B4GALNT2: variants seen among roughly 807,000 people sequenced by gnomAD.
The protein encoded by B4GALNT2 is beta-1,4-N-acetyl-galactosaminyltransferase 2 (SID blood group), also known as N-acetylneuraminylgalactosylglucosyl-glucoside beta-1,4-N- acetylgalactosaminyltransferase 2.
Under a neutral mutation model 51.1 loss-of-function variants are expected in B4GALNT2, and 42 were observed. The ratio of observed to expected loss-of-function variants is 0.82; its 90% confidence interval spans 0.64 to 1.06. The LOEUF (loss-of-function observed/expected upper bound fraction) is 1.06, where lower values mean the gene tolerates loss of function less well. Among genes scored for constraint, B4GALNT2 ranks in the 50% least tolerant of loss-of-function variants. The pLI is 0.00. For missense variants in B4GALNT2, 602 were observed against 633.6 expected (o/e 0.95, Z 0.54); for synonymous variants, 253 against 251.7 (o/e 1.01, Z -0.05).
intron 5 of B4GALNT2, among the ~76,000 whole-genome samples, chr17:49,158,549 A>G (rs2042831402): frequency 6.6e-6 from 1 of 150,608 alleles, no homozygotes; most frequent in Admixed American, 6.7e-5. Flanking sequence ...GAGGCAGGAT[A>G]ATTGCTTTAA....
At position 49,166,079 on chromosome 17, in the gene B4GALNT2, G is replaced by A. The variant is rs761006744; in HGVS notation, c.955-35G>A. 1.9e-6 allele frequency: 3 copies of A among 1,603,364 alleles called. No individual in the cohort carries two copies. In the Admixed American group the frequency reaches 5.1e-5, roughly 27 times the overall value. On this transcript the variant is annotated intron_variant, in intron 8 of 10. Coordinates refer to ENST00000393354, the MANE Select transcript of B4GALNT2 (RefSeq NM_001159387.2). ...CCCAGGTGATTCTAATATGTAATAT[G>A]GGCAACCACTCCTTTAACCTCATTT...
chr17:49,127,198 G>A, the B4GALNT2 span, among the ~76,000 whole-genome samples: 2 of 152,036 alleles, frequency 1.3e-5, no homozygotes, highest in Non-Finnish European at 2.9e-5. Context: ...TTAATTTCAA[G>A]ATTAGAAGTT....
chr17:49,137,233 A>C (rs1190726173), intron 1 of B4GALNT2, among the ~76,000 whole-genome samples: 2 of 152,308 alleles, frequency 1.3e-5, no homozygotes, highest in Middle Eastern at 3.4e-3. Flanking sequence ...TGCCCCTCAG[A>C]GTTCATGTGT....
intron 6 of B4GALNT2, 95 bp downstream of exon 6, chr17:49,159,312 T>A: frequency 7.5e-7 from 1 of 1,340,474 alleles, no homozygotes. Context: ...GCCTTCCTGT[T>A]TTTTGTGTTT....
chr17:49,162,675 G>A (rs528933502), intron 7 of B4GALNT2, among the ~76,000 whole-genome samples: 97 of 152,058 alleles, frequency 6.4e-4, no homozygotes, highest in African/African-American at 2.2e-3. Flanking sequence ...TTGGGAGGCC[G>A]AGGTGAGCAG....
Position 49,171,401 on chromosome 17 carries a change from C to T in B4GALNT2, c.*1673C>T. On this transcript the variant is annotated 3_prime_UTR_variant, in exon 11 of 11. Coordinates refer to ENST00000393354, the MANE Select transcript of B4GALNT2 (RefSeq NM_001159387.2). ...TTCCTGGCATTAAGGTCAAGTGTGC[C>T]TGGGATGCTTTAAATATTTGTTCTT... The T allele has an allele frequency of 2.3e-6, 1 of 434,796 alleles. No individual in the cohort carries two copies. The highest frequency in any genetic ancestry group is 1.7e-5 in the South Asian group (1 of 60,270). 26.9% of individuals were successfully genotyped at this position (434,796 alleles called of 1,614,324 possible). A position where few individuals can be genotyped will look rare whatever the true frequency, so the allele number is the denominator to read the frequency against.
At chr17:49,158,143 T>A (rs2144322282) in intron 5 of B4GALNT2, among the ~76,000 whole-genome samples, 1 of 152,188 alleles carries the variant, frequency 6.6e-6, no homozygotes, top group South Asian at 2.1e-4. Context: ...GGACTTCCCT[T>A]GGGGCCTGGA....
At chr17:49,151,090 T>TGGATGGTGC (rs2144306702) in intron 3 of B4GALNT2, among the ~76,000 whole-genome samples, 1 of 476 alleles carries the variant, frequency 2.1e-3, no homozygotes, top group East Asian at 0.056. Flanking sequence ...AAAGCTAATC[T>TGGATGGTGC]TAGGCCGGGC....
At chr17:49,161,137 T>A (rs1221493201) in intron 7 of B4GALNT2, among the ~76,000 whole-genome samples, 1 of 152,036 alleles carries the variant, frequency 6.6e-6, no homozygotes, top group Non-Finnish European at 1.5e-5. Flanking sequence ...TAGCTGGGCG[T>A]GGTGGCAGGC....
Position 49,164,174 on chromosome 17 carries a change from G to A in B4GALNT2, c.853G>A (p.Glu285Lys), listed in dbSNP as rs530225763. The change falls in exon 8 of 11, where the codon GAG (glutamate) becomes AAG (lysine). Residue 285 changes from glutamate (E) to lysine (K), a missense_variant. Glu to Lys is a moderately conservative substitution (Grantham distance 56, BLOSUM62 1). Transcript: ENST00000393354. ...KLMIMLRSIR[E>K]YYPDLTVIVA... ...CATGATCATGCTCCGGAGTATTCGA[G>A]AGTATTACCCAGACTTGACCGTAAT... 4 of 1,613,926 alleles carry A rather than the reference G, an allele frequency of 2.5e-6. No individual in the cohort carries two copies. The highest frequency in any genetic ancestry group is 2.7e-5 in the African/African-American group (2 of 75,042).
At chr17:49,159,248 T>C in intron 6 of B4GALNT2, 31 bp downstream of exon 6, 4 of 1,605,828 alleles carry the variant, frequency 2.5e-6, no homozygotes, top group South Asian at 1.1e-5. Context: ...TGCAAAATGC[T>C]TAGGGATCCA....
At chr17:49,125,716 C>T in the B4GALNT2 span, among the ~76,000 whole-genome samples, 3,074 of 137,320 alleles carry the variant, frequency 0.022, 109 homozygotes, top group East Asian at 0.098. Context: ...GGTCGGCCCC[C>T]GCCGGGCCGG....
intron 6 of B4GALNT2, 33 bp from the exon 7 acceptor site, chr17:49,160,522 C>T: frequency 6.3e-7 from 1 of 1,591,322 alleles, no homozygotes; most frequent in Non-Finnish European, 8.6e-7. Context: ...AGACATGATA[C>T]TCCCTGTGCC....
intron 3 of B4GALNT2, among the ~76,000 whole-genome samples, chr17:49,150,051 T>C (rs2144302887): frequency 6.7e-6 from 1 of 149,498 alleles, no homozygotes; most frequent in Non-Finnish European, 1.5e-5. Context: ...TTCTTTACCA[T>C]TTAAAAATTT....
rs1375064720 is a variant in B4GALNT2, at chr17:49,174,557, A to G, written c.*4829A>G. On this transcript the variant is annotated 3_prime_UTR_variant, in exon 11 of 11. Coordinates refer to ENST00000393354, the MANE Select transcript of B4GALNT2 (RefSeq NM_001159387.2). The stretch of plus-strand genomic sequence containing the variant: ...CCCCATAGGTTGTATAACTGAATTA[A>G]TGGCTCTTAAGTCAGTTAACAGTCT... 6.6e-6 allele frequency: 1 copy of G among 152,204 alleles called. No homozygotes were observed. The allele number at this position is 152,204 out of a possible 1,614,324, so 9.4% of individuals were successfully genotyped here.
At chr17:49,161,258 G>C (rs1295210757) in intron 7 of B4GALNT2, among the ~76,000 whole-genome samples, 1 of 134,422 alleles carries the variant, frequency 7.4e-6, no homozygotes, top group Non-Finnish European at 1.6e-5. Context: ...CTGGGCAACA[G>C]AGCAAGACTC....
Position 49,174,885 on chromosome 17 carries a change from G to A in B4GALNT2, c.*5157G>A, listed in dbSNP as rs910508287. On this transcript the variant is annotated 3_prime_UTR_variant, in exon 11 of 11. Transcript: ENST00000393354. The stretch of plus-strand genomic sequence containing the variant: ...CAAATTTTTTCCTAGTCCCATACCA[G>A]GGACATACCCCATTTCATGCACCAT... The A allele has an allele frequency of 6.6e-6, 1 of 152,094 alleles. No homozygotes were observed. Among genetic ancestry groups the A allele is most frequent in the African/African-American group, 2.4e-5 (1 of 41,400 alleles). 9.4% of individuals were successfully genotyped at this position (152,094 alleles called of 1,614,324 possible).
intron 3 of B4GALNT2, among the ~76,000 whole-genome samples, chr17:49,150,920 T>A (rs149267004): frequency 0.016 from 2,408 of 151,834 alleles, 81 homozygotes; most frequent in African/African-American, 0.055. Flanking sequence ...AATGATCAAT[T>A]AAAAAAATAA....
chr17:49,154,863 G>C (rs992886867), intron 4 of B4GALNT2, among the ~76,000 whole-genome samples: 6 of 151,486 alleles, frequency 4.0e-5, no homozygotes, highest in Non-Finnish European at 8.8e-5. Context: ...CACATAGAGA[G>C]GATGTACTTG....
Sources: gnomAD v4.1 joint callset for allele counts (sites outside exome capture counted in the v4.1 genomes callset) on GRCh38, gnomAD v4.1.1 for gene constraint, MANE v1.5 for transcripts, NCBI Gene and HGNC (gene_info 2026-07-23, HGNC 2026-07-21) for gene names.